Variants in MARCHF1 observed in about 807,000 individuals in gnomAD.
MARCHF1 encodes membrane associated ring-CH-type finger 1.
A neutral mutation model predicts 54.2 loss-of-function variants in MARCHF1; 40 were observed. The observed-to-expected ratio is 0.74, with a 90% CI of 0.57 to 0.96. The LOEUF is 0.96. MARCHF1 is among the 40% of genes least tolerant of loss of function. MARCHF1 has a pLI of 0.00. For missense variants in MARCHF1, 586 were observed against 656.5 expected, an observed-to-expected ratio of 0.89 and a Z score of 1.17; for synonymous variants, 236 against 236.3, an observed-to-expected ratio of 1.00 and a Z score of 0.01.
chr4:164,318,164 G>A (rs1448791181), intron 1 of MARCHF1, among the ~76,000 whole-genome samples: 2 of 152,108 alleles, frequency 1.3e-5, no homozygotes, highest in Non-Finnish European at 2.9e-5. Flanking sequence ...AATTGATAGA[G>A]GTAAAGCATT....
chr4:163,587,751 G>A (rs1740455850), intron 7 of MARCHF1, among the ~76,000 whole-genome samples: 2 of 152,078 alleles, frequency 1.3e-5, no homozygotes, highest in African/African-American at 4.8e-5. Context: ...TTCACAGGAA[G>A]CTCCTGAATC....
chr4:164,137,651 A>T (rs896505136), intron 1 of MARCHF1, among the ~76,000 whole-genome samples: 3 of 152,200 alleles, frequency 2.0e-5, no homozygotes, highest in African/African-American at 7.2e-5. Context: ...CATGTCATAT[A>T]TAAAAAAGAA....
intron 5 of MARCHF1, among the ~76,000 whole-genome samples, chr4:163,654,610 T>C (rs1316702560): frequency 6.6e-6 from 1 of 151,658 alleles, no homozygotes; most frequent in South Asian, 2.1e-4. Context: ...TTCCTCTTCA[T>C]CTTTGATAAT....
chr4:164,011,826 A>G (rs1753426963), intron 2 of MARCHF1, among the ~76,000 whole-genome samples: 1 of 152,202 alleles, frequency 6.6e-6, no homozygotes, highest in Admixed American at 6.5e-5. Context: ...TGAAGAGAGT[A>G]GGTAAGACAC....
At chr4:163,669,108 T>C (rs947489957) in intron 5 of MARCHF1, among the ~76,000 whole-genome samples, 2 of 152,166 alleles carry the variant, frequency 1.3e-5, no homozygotes, top group African/African-American at 4.8e-5. Context: ...CTTCCAGGGT[T>C]GACATAAGCC....
chr4:163,803,284 C>T (rs578145930), intron 4 of MARCHF1, among the ~76,000 whole-genome samples: 3 of 152,220 alleles, frequency 2.0e-5, no homozygotes, highest in East Asian at 3.9e-4. Flanking sequence ...AGTGGTTCTC[C>T]CGCCTCAACC....
intron 5 of MARCHF1, among the ~76,000 whole-genome samples, chr4:163,614,373 T>C (rs1741446302): frequency 6.6e-6 from 1 of 152,116 alleles, no homozygotes; most frequent in African/African-American, 2.4e-5. Context: ...AAATTGGGGC[T>C]GCTTCTCACT....
chr4:163,830,512 C>T (rs1401124419), intron 4 of MARCHF1, among the ~76,000 whole-genome samples: 1 of 152,112 alleles, frequency 6.6e-6, no homozygotes, highest in African/African-American at 2.4e-5. Flanking sequence ...CCTGCACTGG[C>T]TCACTCATTC....
At position 163,740,965 on chromosome 4, in the gene MARCHF1, C is replaced by T. The variant is rs552560310; in HGVS notation, c.112-40102G>A. On this transcript the variant is annotated intron_variant, in intron 4 of 9. Coordinates refer to ENST00000514618, the MANE Select transcript of MARCHF1 (RefSeq NM_001394959.1). ...ATGGACCTCTCCTTTCTTCCACTTA[C>T]ACTCTTCAGGTTGCATGTTGTCCTT... Among the ~76,000 whole-genome samples the T allele has an allele frequency of 3.3e-5, 5 of 152,308 alleles. No individual in the cohort carries two copies. The South Asian group carries it at 8.3e-4, about 25-fold the overall frequency.
chr4:164,200,846 G>A (rs1022036233), intron 1 of MARCHF1, among the ~76,000 whole-genome samples: 3 of 152,158 alleles, frequency 2.0e-5, no homozygotes, highest in East Asian at 3.9e-4. Flanking sequence ...GCAGGTGAAT[G>A]GTTGGAAGAT....
At chr4:164,042,689 C>A (rs1261521957) in intron 2 of MARCHF1, among the ~76,000 whole-genome samples, 1 of 152,154 alleles carries the variant, frequency 6.6e-6, no homozygotes, top group Non-Finnish European at 1.5e-5. Context: ...AGTCTTAATT[C>A]ATTTCAGCAT....
At chr4:163,751,671 G>A (rs149113093) in intron 4 of MARCHF1, among the ~76,000 whole-genome samples, 6 of 152,166 alleles carry the variant, frequency 3.9e-5, no homozygotes, top group African/African-American at 1.2e-4. Context: ...TTTATTGAAA[G>A]ACAGTAAAGA....
At chr4:164,093,707 C>A (rs1430479381) in intron 2 of MARCHF1, among the ~76,000 whole-genome samples, 1 of 152,146 alleles carries the variant, frequency 6.6e-6, no homozygotes, top group Non-Finnish European at 1.5e-5. Flanking sequence ...AGGACAGTGG[C>A]AGTGAGCATC....
intron 4 of MARCHF1, among the ~76,000 whole-genome samples, chr4:163,820,182 C>T (rs7691973): frequency 0.015 from 2,253 of 152,030 alleles, 44 homozygotes; most frequent in African/African-American, 0.047. Context: ...TTTGTGAGGA[C>T]GGTGCTGACT....
At chr4:164,062,170 T>C (rs536102269) in intron 2 of MARCHF1, among the ~76,000 whole-genome samples, 1 of 152,224 alleles carries the variant, frequency 6.6e-6, no homozygotes, top group Non-Finnish European at 1.5e-5. Context: ...TGCTCATCCA[T>C]AAGAAACAAC....
chr4:163,897,178 A>G (rs1004761921), intron 3 of MARCHF1, among the ~76,000 whole-genome samples: 1 of 152,170 alleles, frequency 6.6e-6, no homozygotes, highest in Non-Finnish European at 1.5e-5. Context: ...TAATATCAAG[A>G]TCAAACACCC....
At chr4:164,041,021 A>G (rs1034070119) in intron 2 of MARCHF1, among the ~76,000 whole-genome samples, 3 of 152,082 alleles carry the variant, frequency 2.0e-5, no homozygotes, top group Non-Finnish European at 2.9e-5. Context: ...CTCTTGGATA[A>G]TACACTCAAT....
chr4:164,277,311 G>A (rs1733913063), intron 1 of MARCHF1, among the ~76,000 whole-genome samples: 1 of 152,300 alleles, frequency 6.6e-6, no homozygotes, highest in African/African-American at 2.4e-5. Context: ...TATTTGTTAA[G>A]TGAAGTAATA....
At chr4:164,072,034 C>CAA (rs1033671514) in intron 2 of MARCHF1, among the ~76,000 whole-genome samples, 10 of 138,872 alleles carry the variant, frequency 7.2e-5, no homozygotes, top group African/African-American at 2.6e-4. Context: ...ACATAGAAAC[C>CAA]AAAAAAAAAA....
Sources: gnomAD v4.1 joint callset for allele counts (sites outside exome capture counted in the v4.1 genomes callset) on GRCh38, gnomAD v4.1.1 for gene constraint, MANE v1.5 for transcripts, NCBI Gene and HGNC (gene_info 2026-07-23, HGNC 2026-07-21) for gene names.